The following PAX9 variants were observed in gnomAD, a reference collection of about 807,000 sequenced individuals.
PAX9 encodes paired box 9, also known as paired box protein Pax-9.
A neutral mutation model predicts 29.1 loss-of-function variants in PAX9; 6 were observed. The ratio of observed to expected loss-of-function variants is 0.21; its 90% CI spans 0.11 to 0.41. The LOEUF (loss-of-function observed/expected upper bound fraction) is 0.41, where lower values mean the gene tolerates loss of function less well. Among genes scored for constraint, PAX9 ranks in the 10% least tolerant of loss-of-function variants. The pLI is 1.00. For missense variants in PAX9, 443 were observed against 479.1 expected, an observed-to-expected ratio of 0.92 and a Z score of 0.70; for synonymous variants, 217 against 211.7, an observed-to-expected ratio of 1.03 and a Z score of -0.22.
At chr14:36,669,697 C>T (rs555007743) in intron 3 of PAX9, among the ~76,000 whole-genome samples, 255 of 152,200 alleles carry the variant, frequency 1.7e-3, no homozygotes, top group African/African-American at 5.8e-3. Flanking sequence ...GACAGATGTC[C>T]TGATTCCTAG....
At chr14:36,673,809 A>T (rs988066360) in intron 3 of PAX9, among the ~76,000 whole-genome samples, 1 of 152,194 alleles carries the variant, frequency 6.6e-6, no homozygotes, top group African/African-American at 2.4e-5. Context: ...ATAATATTAA[A>T]TTTTTTAACT....
At chr14:36,665,662 A>G (rs982773897) in intron 2 of PAX9, among the ~76,000 whole-genome samples, 3 of 151,962 alleles carry the variant, frequency 2.0e-5, no homozygotes, top group African/African-American at 7.2e-5. Context: ...TTAACACTTA[A>G]TTTTACTTTC....
chr14:36,672,852 C>CTTT lies in PAX9; in HGVS notation c.772-3318_772-3316dup, dbSNP rs3061562. 1.0e-4 allele frequency among the ~76,000 whole-genome samples: 2 copies of CTTT among 19,146 alleles called. 1 individual carries two copies. The highest frequency in any genetic ancestry group is 1.9e-4 in the Non-Finnish European group (2 of 10,444). The allele number at this position is 19,146 out of a possible 152,430, so 12.6% of individuals were successfully genotyped here. The stretch of plus-strand genomic sequence containing the variant: ...TTCTTTTTTCTTTCTTTCTTTCTTC[C>CTTT]TTTTTTTTTTTTTTTTTTTTTTTTT... On this transcript the variant is annotated intron_variant, in intron 3 of 3. Transcript: ENST00000361487.
intron 3 of PAX9, among the ~76,000 whole-genome samples, chr14:36,666,810 G>T (rs879267663): frequency 3.9e-5 from 6 of 152,240 alleles, no homozygotes; most frequent in Non-Finnish European, 7.3e-5. Flanking sequence ...CCCCCGCCAG[G>T]GGCCGGGAGC....
At chr14:36,668,978 A>G (rs1004892242) in intron 3 of PAX9, among the ~76,000 whole-genome samples, 1 of 152,206 alleles carries the variant, frequency 6.6e-6, no homozygotes, top group Non-Finnish European at 1.5e-5. Context: ...AAAAATATTT[A>G]TATGAAACTT....
chr14:36,664,509 C>G (rs936579736), intron 2 of PAX9, among the ~76,000 whole-genome samples: 1 of 151,948 alleles, frequency 6.6e-6, no homozygotes, highest in African/African-American at 2.4e-5. Flanking sequence ...AAGGATTCCC[C>G]GAGCCCTCCT....
At chr14:36,664,116 A>C (rs1291139502) in intron 2 of PAX9, among the ~76,000 whole-genome samples, 1 of 152,208 alleles carries the variant, frequency 6.6e-6, no homozygotes, top group Non-Finnish European at 1.5e-5. Flanking sequence ...TCGGAAATGG[A>C]GGTCCCGAAG....
intron 3 of PAX9, among the ~76,000 whole-genome samples, chr14:36,670,443 T>C (rs891449071): frequency 6.6e-6 from 1 of 152,064 alleles, no homozygotes; most frequent in African/African-American, 2.4e-5. Flanking sequence ...GTGAAGATAG[T>C]CTTCTAGAAT....
chr14:36,662,152 A>AAGGG (rs1356827603), intron 1 of PAX9, 59 bp downstream of exon 1: 14 of 423,244 alleles, frequency 3.3e-5, no homozygotes, highest in African/African-American at 8.6e-5. Context: ...GCGAGCGGGC[A>AAGGG]AGGGAGGGAG....
chr14:36,663,560 G>T (rs761771092), intron 2 of PAX9, 37 bp downstream of exon 2: 7 of 1,611,214 alleles, frequency 4.3e-6, no homozygotes, highest in East Asian at 2.2e-5. Context: ...GATGTGCAGC[G>T]TCTGCCCCCG....
chr14:36,665,863 C>T (rs2139111715), intron 2 of PAX9: 1 of 153,304 alleles, frequency 6.5e-6, no homozygotes, highest in Middle Eastern at 3.4e-3. Context: ...ACACACAAAG[C>T]AGAAATCTGT....
rs1301440769 is a variant in PAX9 at position 36,676,327 on chromosome 14, G to A, written c.901G>A (p.Gly301Arg). The A allele has an allele frequency of 3.1e-6, 5 of 1,614,048 alleles. No homozygotes were observed. Among genetic ancestry groups the A allele is most frequent in the Non-Finnish European group, 4.2e-6 (5 of 1,180,054 alleles). ...AAPSGYVAGHGWQHAGGTSLS... is the reference protein window; with the variant it reads ...AAPSGYVAGHRWQHAGGTSLS... ...TCCTTCTGGTTATGTTGCTGGACAT[G>A]GGTGGCAACATGCTGGGGGCACCTC... Residue 301 changes from glycine (G) to arginine (R), a missense_variant, in exon 4 of 4, where the codon GGG (glycine) becomes AGG (arginine). Physicochemically the swap from Gly to Arg is moderately radical, Grantham distance 125. This residue lies in a region of PAX9 where 336 missense variants were observed against 317.2 expected (regional missense o/e 1.06). Transcript: ENST00000361487.
chr14:36,678,438 C>T lies in PAX9; in HGVS notation c.*1986C>T. On this transcript the variant is annotated 3_prime_UTR_variant, in exon 4 of 4. Coordinates refer to ENST00000361487, the MANE Select transcript of PAX9 (RefSeq NM_001372076.1). ...GCAGATGAACTCTCAGGGCCATAGT[C>T]TTCCTTTGATCTTGTAAAACTTCCA... The T allele has an allele frequency of 6.9e-7, 1 of 1,456,264 alleles. No homozygotes were observed. The highest frequency in any genetic ancestry group is 1.2e-5 in the South Asian group (1 of 82,478). The allele number at this position is 1,456,264 out of a possible 1,614,324, so 90.2% of individuals were successfully genotyped here. A position where few individuals can be genotyped will look rare whatever the true frequency, so the allele number is the denominator to read the frequency against.
rs200688741 is a variant in PAX9 at position 36,663,084 on chromosome 14, C to T, written c.192C>T (p.Gly64=). The T allele has an allele frequency of 1.9e-4, 309 of 1,613,850 alleles. No individual in the cohort carries two copies. The highest frequency in any genetic ancestry group is 2.2e-4 in the Non-Finnish European group (257 of 1,180,042). Residue 64 remains glycine (G), a synonymous_variant, in exon 2 of 4, where the codon GGC becomes GGT. Transcript: ENST00000361487. ...TCCTGGCGCGATACAACGAGACGGG[C>T]TCGATCTTGCCAGGAGCCATCGGGG... ...SKILARYNET[G]SILPGAIGGS...
intron 3 of PAX9, 148 bp downstream of exon 3, chr14:36,666,749 A>G (rs1490125980): frequency 3.6e-6 from 4 of 1,116,260 alleles, no homozygotes; most frequent in South Asian, 1.4e-5. Context: ...TCCTTCGTGG[A>G]CTGGGGCGAA....
rs531278625 is a variant in PAX9, at chr14:36,662,301, G to T, written c.4+208G>T. On this transcript the variant is annotated intron_variant, in intron 1 of 3. Coordinates refer to ENST00000361487, the MANE Select transcript of PAX9 (RefSeq NM_001372076.1). ...CAATGTGAACGCTGGCTACTGGGTG[G>T]CTGTTGATGCCATTTTCTGATTTTA... 1.1e-4 allele frequency among the ~76,000 whole-genome samples: 16 copies of T among 152,318 alleles called. No homozygotes were observed. The East Asian group carries it at 3.1e-3, about 30-fold the overall frequency.
rs1460432958 is a variant in PAX9, at chr14:36,678,247, T to TAAAC, written c.*1797_*1800dup. 9.1e-6 allele frequency: 5 copies of TAAAC among 552,182 alleles called. No individual in the cohort carries two copies. Among genetic ancestry groups the TAAAC allele is most frequent in the East Asian group, 8.6e-5 (3 of 35,026 alleles). The allele number at this position is 552,182 out of a possible 1,614,324, so 34.2% of individuals were successfully genotyped here. ...GTTAGGTTTTCAAATCACTAGGATGTAAACAGTAAGCAGATTTCTGACACA... is the reference window on the plus strand; with the variant it reads ...GTTAGGTTTTCAAATCACTAGGATGTAAACAAACAGTAAGCAGATTTCTGACACA... On this transcript the variant is annotated 3_prime_UTR_variant, in exon 4 of 4. Coordinates refer to ENST00000361487, the MANE Select transcript of PAX9 (RefSeq NM_001372076.1).
chr14:36,658,358 C>T (rs923998475), upstream of PAX9, among the ~76,000 whole-genome samples: 8 of 148,312 alleles, frequency 5.4e-5, no homozygotes, highest in South Asian at 2.2e-4. Context: ...CGGGCACCGT[C>T]GCCTGGGCCT....
chr14:36,678,775 C>G lies in PAX9; in HGVS notation c.*2323C>G. 3 of 1,068,642 alleles carry G rather than the reference C, an allele frequency of 2.8e-6. No individual in the cohort carries two copies. Among genetic ancestry groups the G allele is most frequent in the Non-Finnish European group, 2.3e-6 (2 of 874,020 alleles). The allele number at this position is 1,068,642 out of a possible 1,614,324, so 66.2% of individuals were successfully genotyped here. On this transcript the variant is annotated 3_prime_UTR_variant, in exon 4 of 4. Transcript: ENST00000361487. Reference sequence around the variant, plus strand: ...TTCTGGTTCTTGTATTTTAAAAAATCTAATATTAATGGTATTGAAGTTTCC... The same window carrying G: ...TTCTGGTTCTTGTATTTTAAAAAATGTAATATTAATGGTATTGAAGTTTCC...
Sources: allele counts gnomAD v4.1 joint callset (sites outside exome capture counted in the v4.1 genomes callset), GRCh38; gene constraint gnomAD v4.1.1; regional missense constraint gnomAD v4.1.1; transcripts MANE v1.5; gene names NCBI Gene and HGNC (gene_info 2026-07-23, HGNC 2026-07-21).